Variants in GPM6A observed in about 807,000 individuals in gnomAD.
GPM6A encodes neuronal membrane glycoprotein M6-a.
GPM6A carries 7 observed loss-of-function variants against 32.1 expected under a neutral mutation model. That is an observed-to-expected ratio of 0.22 (90% CI 0.12 to 0.41). The LOEUF (loss-of-function observed/expected upper bound fraction) is 0.41, where lower values mean the gene tolerates loss of function less well. Ranked by LOEUF, GPM6A falls within the 10% of genes least tolerant of loss-of-function variation. The pLI is 1.00. For missense variants in GPM6A, 235 were observed against 347.2 expected (o/e 0.68, Z 2.57); for synonymous variants, 130 against 123.4 (o/e 1.05, Z -0.35).
intron 3 of GPM6A, among the ~76,000 whole-genome samples, chr4:175,662,096 A>G (rs1742454103): frequency 1.3e-5 from 2 of 152,262 alleles, no homozygotes; most frequent in Non-Finnish European, 2.9e-5. Context: ...CAAAACAATG[A>G]CAGGCATATT....
At chr4:175,842,318 T>C (rs1326857458) in intron 1 of GPM6A, among the ~76,000 whole-genome samples, 1 of 152,202 alleles carries the variant, frequency 6.6e-6, no homozygotes, top group Non-Finnish European at 1.5e-5. Context: ...TGTTACTATG[T>C]AAATGACTTT....
intron 1 of GPM6A, among the ~76,000 whole-genome samples, chr4:175,855,432 A>G (rs1443332077): frequency 1.2e-4 from 18 of 152,226 alleles, no homozygotes; most frequent in Admixed American, 1.2e-3. Context: ...CTGTTACAAG[A>G]GAATCTAACT....
chr4:175,887,899 C>T (rs138114757), intron 1 of GPM6A, among the ~76,000 whole-genome samples: 4,010 of 151,836 alleles, frequency 0.026, 86 homozygotes, highest in Non-Finnish European at 0.042. Context: ...TAAATAAGGG[C>T]CCCATTAAAG....
At chr4:175,977,786 T>G (rs73873533) in intron 1 of GPM6A, among the ~76,000 whole-genome samples, 15,897 of 152,176 alleles carry the variant, frequency 0.1, 2,426 homozygotes, top group African/African-American at 0.34. Context: ...ATGCTTAAAT[T>G]CAAGTAGAGA....
chr4:175,761,176 C>T (rs985878891), intron 1 of GPM6A, among the ~76,000 whole-genome samples: 3 of 152,150 alleles, frequency 2.0e-5, no homozygotes, highest in African/African-American at 7.2e-5. Context: ...ATGGATCTTG[C>T]TCTGTCTCCC....
intron 1 of GPM6A, among the ~76,000 whole-genome samples, chr4:175,770,267 C>G (rs908643509): frequency 1.3e-5 from 2 of 152,190 alleles, no homozygotes; most frequent in Non-Finnish European, 2.9e-5. Flanking sequence ...CTCAGATGAT[C>G]CACCCACCTT....
chr4:175,646,634 C>T (rs183124834), intron 4 of GPM6A, among the ~76,000 whole-genome samples: 86 of 152,228 alleles, frequency 5.6e-4, no homozygotes, highest in African/African-American at 2.0e-3. Context: ...AAAATGAAAC[C>T]AACCCAATTG....
intron 1 of GPM6A, among the ~76,000 whole-genome samples, chr4:175,818,983 G>A (rs552357311): frequency 1.3e-5 from 2 of 152,284 alleles, no homozygotes; most frequent in East Asian, 3.9e-4. Context: ...TTTATAGAAA[G>A]ATCAGTTCTA....
At chr4:175,682,877 C>T (rs1208733234) in intron 2 of GPM6A, among the ~76,000 whole-genome samples, 1 of 152,156 alleles carries the variant, frequency 6.6e-6, no homozygotes, top group East Asian at 1.9e-4. Context: ...GGAGGCCTCA[C>T]AAGAACCTCT....
intron 1 of GPM6A, among the ~76,000 whole-genome samples, chr4:175,864,610 T>A (rs1736674283): frequency 6.6e-6 from 1 of 152,168 alleles, no homozygotes; most frequent in Non-Finnish European, 1.5e-5. Context: ...CTACTTCAAG[T>A]GTCCTTTGAA....
chr4:175,838,939 C>T (rs1345463008), intron 1 of GPM6A, among the ~76,000 whole-genome samples: 2 of 152,098 alleles, frequency 1.3e-5, no homozygotes, highest in Non-Finnish European at 2.9e-5. Context: ...GCTGGGATTA[C>T]TGGTGTGAGC....
intron 1 of GPM6A, among the ~76,000 whole-genome samples, chr4:175,854,762 G>T (rs898978549): frequency 1.3e-5 from 2 of 152,184 alleles, no homozygotes; most frequent in Non-Finnish European, 1.5e-5. Flanking sequence ...GAATAGAGCT[G>T]CACAAAGAGA....
At chr4:175,776,473 G>A (rs184775804) in intron 1 of GPM6A, among the ~76,000 whole-genome samples, 19 of 152,184 alleles carry the variant, frequency 1.2e-4, no homozygotes, top group Admixed American at 9.8e-4. Context: ...GTCAAAACTC[G>A]AGCTGCTGCC....
chr4:175,679,706 G>T (rs80169547), intron 2 of GPM6A, among the ~76,000 whole-genome samples: 3,697 of 152,224 alleles, frequency 0.024, 73 homozygotes, highest in Non-Finnish European at 0.038. Context: ...TTGTCTATTT[G>T]TTAGTGACAC....
At chr4:175,901,059 G>C (rs971608714) in intron 1 of GPM6A, among the ~76,000 whole-genome samples, 1 of 151,624 alleles carries the variant, frequency 6.6e-6, no homozygotes, top group Admixed American at 6.6e-5. Context: ...CCTATCTGTG[G>C]GATCTAAAAA....
rs1432315564 is a variant in GPM6A, at chr4:175,711,439, T to C, written c.38-9672A>G. Among the ~76,000 whole-genome samples the C allele has an allele frequency of 4.4e-5, 4 of 90,580 alleles. 1 individual carries two copies. Among genetic ancestry groups the C allele is most frequent in the Non-Finnish European group, 8.9e-5 (4 of 44,984 alleles). 59.4% of individuals were successfully genotyped at this position (90,580 alleles called of 152,430 possible). Reference sequence around the variant, plus strand: ...ATATATATATATATATATATATATATATATATATATATATATATACACACA... The same window carrying C: ...ATATATATATATATATATATATATACATATATATATATATATATACACACA... On this transcript the variant is annotated intron_variant, in intron 1 of 6. Transcript: ENST00000393658.
At chr4:175,921,482 T>C (rs763484152) in intron 1 of GPM6A, among the ~76,000 whole-genome samples, 2 of 149,586 alleles carry the variant, frequency 1.3e-5, no homozygotes, top group Non-Finnish European at 3.0e-5. Context: ...CCACGCATGA[T>C]CCTGCCAAAA....
At chr4:175,685,875 A>AT (rs1743951425) in intron 2 of GPM6A, among the ~76,000 whole-genome samples, 1 of 152,120 alleles carries the variant, frequency 6.6e-6, no homozygotes, top group African/African-American at 2.4e-5. Flanking sequence ...CAGCATTTTT[A>AT]CTAACATAAC....
intron 2 of GPM6A, among the ~76,000 whole-genome samples, chr4:175,681,305 G>C (rs549465168): frequency 1.3e-5 from 2 of 152,150 alleles, no homozygotes; most frequent in Admixed American, 6.5e-5. Context: ...TGGGTGATGA[G>C]TGGTATCCTG....
Sources: allele counts gnomAD v4.1 joint callset (sites outside exome capture counted in the v4.1 genomes callset), GRCh38; gene constraint gnomAD v4.1.1; transcripts MANE v1.5; gene names NCBI Gene and HGNC (gene_info 2026-07-23, HGNC 2026-07-21).